KIRREL3: variants seen among roughly 807,000 people sequenced by gnomAD.
The protein encoded by KIRREL3 is kin of IRRE-like protein 3.
KIRREL3 carries 36 observed loss-of-function variants against 89.7 expected under a neutral mutation model. That is an observed-to-expected ratio of 0.40 (90% CI 0.31 to 0.53). The LOEUF is 0.53. KIRREL3 is among the 20% of genes least tolerant of loss of function. The pLI is 0.49. For synonymous variants in KIRREL3, 445 were observed against 441.4 expected (o/e 1.01, Z -0.10); for missense variants, 864 against 1,056.6 (o/e 0.82, Z 2.53).
At chr11:126,548,099 C>T (rs1364810116) in intron 2 of KIRREL3, among the ~76,000 whole-genome samples, 1 of 152,088 alleles carries the variant, frequency 6.6e-6, no homozygotes, top group Non-Finnish European at 1.5e-5. Context: ...TTTTTTGGAG[C>T]CCCTCAGTCA....
At chr11:126,518,108 T>C (rs1330805658) in intron 4 of KIRREL3, among the ~76,000 whole-genome samples, 2 of 152,188 alleles carry the variant, frequency 1.3e-5, no homozygotes, top group African/African-American at 2.4e-5. Context: ...CCCTCCTCAT[T>C]TCCTGGCTCC....
intron 1 of KIRREL3, among the ~76,000 whole-genome samples, chr11:126,672,869 C>T (rs768561451): frequency 7.2e-5 from 11 of 152,180 alleles, no homozygotes; most frequent in South Asian, 2.1e-4. Flanking sequence ...TTCCCTCACT[C>T]GTATTTGCAT....
intron 1 of KIRREL3, among the ~76,000 whole-genome samples, chr11:126,591,089 G>A (rs189820491): frequency 1.2e-3 from 179 of 152,268 alleles, no homozygotes; most frequent in African/African-American, 3.9e-3. Context: ...AGCTGGGCAC[G>A]GTGGTGTGTG....
chr11:126,603,907 TAGCCCCGAGGCTGG>T (rs1468030048), intron 1 of KIRREL3, among the ~76,000 whole-genome samples: 1 of 152,138 alleles, frequency 6.6e-6, no homozygotes, highest in Non-Finnish European at 1.5e-5. Flanking sequence ...CTCCTCCCAC[TAGCCCCGAGGCTGG>T]AGATCAACAT....
rs371082550 is a variant in KIRREL3, at chr11:126,946,598, C to A, written c.55+53857G>T. ...TTGAGAACATGTTTTATGTCAGTTACTATGATAAGAGCTCATAAAATATGT... is the reference window on the plus strand; with the variant it reads ...TTGAGAACATGTTTTATGTCAGTTAATATGATAAGAGCTCATAAAATATGT... On this transcript the variant is annotated intron_variant, in intron 1 of 16. Coordinates refer to ENST00000525144, the MANE Select transcript of KIRREL3 (RefSeq NM_032531.4). This position sits in a 1 kb window ranked among gnomAD's most constrained non-coding sequence, Gnocchi z 4.1. Among the ~76,000 whole-genome samples the A allele has an allele frequency of 1.5e-3, 229 of 152,270 alleles. 2 individuals carry two copies. Among genetic ancestry groups the A allele is most frequent in the African/African-American group, 5.1e-3 (211 of 41,568 alleles).
At chr11:126,921,972 TA>T (rs1282323635) in intron 1 of KIRREL3, among the ~76,000 whole-genome samples, 1 of 110,572 alleles carries the variant, frequency 9.0e-6, no homozygotes, top group East Asian at 2.5e-4. Flanking sequence ...TATATCTATC[TA>T]TCTATCTATC....
In KIRREL3 at chr11:126,983,361, C is replaced by T. The variant is rs116784883; in HGVS notation, c.55+17094G>A. Among the ~76,000 whole-genome samples the T allele has an allele frequency of 6.4e-3, 970 of 152,310 alleles. 5 individuals are homozygous for T. The highest frequency in any genetic ancestry group is 0.022 in the African/African-American group (905 of 41,566). ...CTTCTGAAAGGGAGGGCTCATCTAA[C>T]GTCTGCCTTTGGTTCTTGCGGTAGA... On this transcript the variant is annotated intron_variant, in intron 1 of 16. Transcript: ENST00000525144. The surrounding 1 kb of genome is among the most constrained non-coding windows in gnomAD (Gnocchi z 4.9).
chr11:126,811,718 CG>C lies in KIRREL3; in HGVS notation c.55+188736del, dbSNP rs1261483780. Among the ~76,000 whole-genome samples the C allele has an allele frequency of 6.6e-6, 1 of 152,136 alleles. No individual in the cohort carries two copies. The highest frequency in any genetic ancestry group is 1.9e-4 in the East Asian group (1 of 5,198). ...TACTCTGCTTCAGCCTCCCAAGTAGCGGGGATTACCGGCGCCTGCTACCATG... is the reference window on the plus strand; with the variant it reads ...TACTCTGCTTCAGCCTCCCAAGTAGCGGGATTACCGGCGCCTGCTACCATG... On this transcript the variant is annotated intron_variant, in intron 1 of 16. Coordinates refer to ENST00000525144, the MANE Select transcript of KIRREL3 (RefSeq NM_032531.4). The surrounding 1 kb of genome is among the most constrained non-coding windows in gnomAD (Gnocchi z 4.3).
Position 126,490,239 on chromosome 11 carries a change from G to A in KIRREL3, c.434-16773C>T, listed in dbSNP as rs894830105. 1.3e-5 allele frequency among the ~76,000 whole-genome samples: 2 copies of A among 151,096 alleles called. No homozygotes were observed. Among genetic ancestry groups the A allele is most frequent in the African/African-American group, 4.9e-5 (2 of 41,122 alleles). On this transcript the variant is annotated intron_variant, in intron 4 of 16. Transcript: ENST00000525144. The surrounding 1 kb of genome is among the most constrained non-coding windows in gnomAD (Gnocchi z 4.2). Reference sequence around the variant, plus strand: ...GTGTGTGTGTGTGTGTGGCGGGGGCGGGGGAGGCAAGGCAGCTTTACTTTC... The same window carrying A: ...GTGTGTGTGTGTGTGTGGCGGGGGCAGGGGAGGCAAGGCAGCTTTACTTTC...
chr11:126,661,517 A>G (rs1322915993), intron 1 of KIRREL3, among the ~76,000 whole-genome samples: 1 of 152,196 alleles, frequency 6.6e-6, no homozygotes, highest in Non-Finnish European at 1.5e-5. Context: ...AATCGTTTCT[A>G]TGTGTTGCTA....
rs948830546 is a variant in KIRREL3 at position 126,903,877 on chromosome 11, T to C, written c.55+96578A>G. 1.3e-5 allele frequency among the ~76,000 whole-genome samples: 2 copies of C among 152,208 alleles called. No individual in the cohort carries two copies. The highest frequency in any genetic ancestry group is 4.8e-5 in the African/African-American group (2 of 41,462). On this transcript the variant is annotated intron_variant, in intron 1 of 16. Transcript: ENST00000525144. This position sits in a 1 kb window ranked among gnomAD's most constrained non-coding sequence, Gnocchi z 4.5. ...CTCTAGGGAGACTGGATTATTTGGG[T>C]ACCTTGCTTGGTAGGCTTGCATTAG...
At position 126,696,419 on chromosome 11, in the gene KIRREL3, C is replaced by G. The variant is rs543212084; in HGVS notation, c.56-133507G>C. ...CCTGTAACTTCCAAGTTACCCTTAA[C>G]TCCTGCCTTTGCCCAATCCCCAGCC... On this transcript the variant is annotated intron_variant, in intron 1 of 16. Transcript: ENST00000525144. This position sits in a 1 kb window ranked among gnomAD's most constrained non-coding sequence, Gnocchi z 4.4. 1.5e-4 allele frequency among the ~76,000 whole-genome samples: 23 copies of G among 152,262 alleles called. No individual in the cohort carries two copies. In the South Asian group the frequency reaches 3.7e-3, roughly 25 times the overall value.
Position 126,461,580 on chromosome 11 carries a change from G to A in KIRREL3, c.742+1577C>T, listed in dbSNP as rs369167379. The stretch of plus-strand genomic sequence containing the variant: ...AGACAGTGAAGATAAAGTCCCCCCC[G>A]CCCCAAGAACTCAGCCTTTGTGTGT... On this transcript the variant is annotated intron_variant, in intron 6 of 16. Coordinates refer to ENST00000525144, the MANE Select transcript of KIRREL3 (RefSeq NM_032531.4). 8.5e-5 allele frequency among the ~76,000 whole-genome samples: 13 copies of A among 152,258 alleles called. No individual in the cohort carries two copies. In the East Asian group the frequency reaches 1.7e-3, roughly 20 times the overall value.
intron 1 of KIRREL3, among the ~76,000 whole-genome samples, chr11:126,775,209 C>T (rs568341184): frequency 1.3e-5 from 2 of 152,288 alleles, no homozygotes; most frequent in South Asian, 4.2e-4. Flanking sequence ...TGGGAGGCAA[C>T]ATGAGGAGCT....
chr11:126,707,939 TG>T (rs1003778282), intron 1 of KIRREL3, among the ~76,000 whole-genome samples: 35 of 152,156 alleles, frequency 2.3e-4, no homozygotes, highest in African/African-American at 7.0e-4. Flanking sequence ...GCCATCCCCA[TG>T]CATTCATTCT....
At chr11:126,745,065 C>T (rs1949099108) in intron 1 of KIRREL3, among the ~76,000 whole-genome samples, 1 of 152,154 alleles carries the variant, frequency 6.6e-6, no homozygotes, top group Non-Finnish European at 1.5e-5. Flanking sequence ...CTGGGCACCT[C>T]CTTCCACGCC....
intron 1 of KIRREL3, among the ~76,000 whole-genome samples, chr11:126,856,860 T>C (rs1944536272): frequency 6.6e-6 from 1 of 152,144 alleles, no homozygotes; most frequent in African/African-American, 2.4e-5. Context: ...CCCAAAGTGC[T>C]GGGATTACAG....
rs1938668875 is a variant in KIRREL3, at chr11:126,544,874, T to C, written c.133+17961A>G. Among the ~76,000 whole-genome samples the C allele has an allele frequency of 6.6e-6, 1 of 152,186 alleles. No individual in the cohort carries two copies. The highest frequency in any genetic ancestry group is 2.1e-4 in the South Asian group (1 of 4,834). On this transcript the variant is annotated intron_variant, in intron 2 of 16. Coordinates refer to ENST00000525144, the MANE Select transcript of KIRREL3 (RefSeq NM_032531.4). This position sits in a 1 kb window ranked among gnomAD's most constrained non-coding sequence, Gnocchi z 5.6. ...AGTCTGTCTTTGTTTGGCCATGCACTGTCTAAACTCCTCTAACCTATTTAG... is the reference window on the plus strand; with the variant it reads ...AGTCTGTCTTTGTTTGGCCATGCACCGTCTAAACTCCTCTAACCTATTTAG...
intron 1 of KIRREL3, among the ~76,000 whole-genome samples, chr11:126,781,044 A>AT (rs1950311935): frequency 6.6e-6 from 1 of 152,272 alleles, no homozygotes; most frequent in Admixed American, 6.5e-5. Flanking sequence ...CCAGGAAGCA[A>AT]TTTTAACTCT....
Sources: allele counts gnomAD v4.1 joint callset (sites outside exome capture counted in the v4.1 genomes callset), GRCh38; gene constraint gnomAD v4.1.1; non-coding constraint Gnocchi (gnomAD v3.1); transcripts MANE v1.5; gene names NCBI Gene and HGNC (gene_info 2026-07-23, HGNC 2026-07-21).